The following PRR16 variants were observed in gnomAD, a reference collection of about 807,000 sequenced individuals.
PRR16 encodes the protein protein Largen.
A neutral mutation model predicts 18.2 loss-of-function variants in PRR16; 6 were observed. The ratio of observed to expected loss-of-function variants is 0.33; its 90% CI spans 0.18 to 0.65. The LOEUF is 0.65. Among genes scored for constraint, PRR16 ranks in the 30% least tolerant of loss-of-function variants. PRR16 has a pLI of 0.74. For synonymous variants in PRR16, 151 were observed against 147.8 expected, an observed-to-expected ratio of 1.02 and a Z score of -0.16; for missense variants, 412 against 376.6, an observed-to-expected ratio of 1.09 and a Z score of -0.78.
chr5:120,724,369 CCTCT>C, the PRR16 span, among the ~76,000 whole-genome samples: 1 of 152,024 alleles, frequency 6.6e-6, no homozygotes, highest in African/African-American at 2.4e-5. Flanking sequence ...AGTTGCTTCT[CCTCT>C]CTCTATTTTA....
intron 1 of PRR16, among the ~76,000 whole-genome samples, chr5:120,526,403 C>G (rs1215626876): frequency 6.6e-6 from 1 of 152,084 alleles, no homozygotes; most frequent in African/African-American, 2.4e-5. Context: ...TAATTGCATG[C>G]CATTTCTTTC....
At chr5:120,689,759 G>T (rs558583591), downstream of PRR16, among the ~76,000 whole-genome samples, 10 of 144,426 alleles carry the variant, frequency 6.9e-5, no homozygotes, top group South Asian at 8.8e-4. Context: ...GGGTGTTTTG[G>T]TTTTTTTTTT....
chr5:120,703,164 C>G, the PRR16 span, among the ~76,000 whole-genome samples: 4 of 151,706 alleles, frequency 2.6e-5, no homozygotes, highest in Non-Finnish European at 5.9e-5. Context: ...GAGTGGGGGT[C>G]GCAAGGTGCT....
In PRR16 at chr5:120,686,217, T is replaced by C. The variant is rs746066636; in HGVS notation, c.423T>C (p.Val141=). The C allele has an allele frequency of 3.1e-6, 5 of 1,614,090 alleles. No homozygotes were observed. Among genetic ancestry groups the C allele is most frequent in the Non-Finnish European group, 4.2e-6 (5 of 1,180,026 alleles). The part of the protein sequence containing the change: ...PVKCEDPKRV[V]PTANPVKTNG... ...AGTGTGAAGACCCCAAAAGGGTGGT[T>C]CCAACTGCCAATCCTGTAAAAACCA... Residue 141 remains valine (V), a synonymous_variant, in exon 2 of 2, where the codon GTT becomes GTC. Coordinates refer to ENST00000407149, the MANE Select transcript of PRR16 (RefSeq NM_001300783.2).
At chr5:120,638,201 G>T (rs148616327) in intron 1 of PRR16, among the ~76,000 whole-genome samples, 127 of 152,148 alleles carry the variant, frequency 8.3e-4, no homozygotes, top group African/African-American at 2.9e-3. Flanking sequence ...AGAATTTTCC[G>T]CTTGGGGCAA....
At chr5:120,573,292 A>G (rs924005615) in intron 1 of PRR16, among the ~76,000 whole-genome samples, 22 of 152,154 alleles carry the variant, frequency 1.4e-4, no homozygotes, top group African/African-American at 5.1e-4. Context: ...TTTGAATTCA[A>G]ATTCTTGCTT....
chr5:120,716,198 C>A, the PRR16 span, among the ~76,000 whole-genome samples: 1 of 152,162 alleles, frequency 6.6e-6, no homozygotes, highest in Admixed American at 6.6e-5. Context: ...CTTTGTCAAA[C>A]CCTTTTCCAA....
intron 1 of PRR16, among the ~76,000 whole-genome samples, chr5:120,563,116 T>C (rs553195572): frequency 4.7e-4 from 71 of 152,310 alleles, no homozygotes; most frequent in African/African-American, 1.7e-3. Context: ...CTTTATTTCT[T>C]CTTCATGCTT....
chr5:120,696,845 C>A, the PRR16 span, among the ~76,000 whole-genome samples: 1 of 152,102 alleles, frequency 6.6e-6, no homozygotes, highest in Non-Finnish European at 1.5e-5. Context: ...CTCAATGTAG[C>A]CATTCCACAA....
At chr5:120,476,400 A>G (rs1749444007) in intron 1 of PRR16, among the ~76,000 whole-genome samples, 1 of 151,890 alleles carries the variant, frequency 6.6e-6, no homozygotes, top group Admixed American at 6.6e-5. Context: ...TCATTACCCC[A>G]CTATCTTGGA....
At chr5:120,713,203 A>G in the PRR16 span, among the ~76,000 whole-genome samples, 5 of 152,210 alleles carry the variant, frequency 3.3e-5, no homozygotes, top group African/African-American at 1.2e-4. Flanking sequence ...CTTGGAGGAC[A>G]TAATTCTAAG....
At chr5:120,601,313 C>G (rs77468244) in intron 1 of PRR16, among the ~76,000 whole-genome samples, 8,889 of 152,072 alleles carry the variant, frequency 0.058, 339 homozygotes, top group South Asian at 0.086. Flanking sequence ...ATTTGCATTT[C>G]TCTGATGATC....
intron 1 of PRR16, among the ~76,000 whole-genome samples, chr5:120,659,948 C>T (rs2150137702): frequency 6.6e-6 from 1 of 152,112 alleles, no homozygotes; most frequent in East Asian, 1.9e-4. Flanking sequence ...TATGCATGTC[C>T]TCCAACCCAG....
intron 1 of PRR16, among the ~76,000 whole-genome samples, chr5:120,475,966 C>G (rs1215390564): frequency 3.9e-5 from 6 of 152,054 alleles, no homozygotes; most frequent in African/African-American, 1.4e-4. Flanking sequence ...AGCATAAAAT[C>G]ATTGATAAGT....
chr5:120,528,247 T>A (rs1258118478), intron 1 of PRR16, among the ~76,000 whole-genome samples: 1 of 152,136 alleles, frequency 6.6e-6, no homozygotes, highest in Non-Finnish European at 1.5e-5. Flanking sequence ...AATACTTAGC[T>A]TTTTGAACTA....
At chr5:120,684,520 T>C (rs555396759) in intron 1 of PRR16, among the ~76,000 whole-genome samples, 5 of 152,328 alleles carry the variant, frequency 3.3e-5, no homozygotes, top group African/African-American at 1.2e-4. Flanking sequence ...ATGTGTGAAA[T>C]GAAGGAACTG....
chr5:120,509,917 A>C (rs942824526), intron 1 of PRR16, among the ~76,000 whole-genome samples: 8 of 152,070 alleles, frequency 5.3e-5, no homozygotes, highest in African/African-American at 1.2e-4. Context: ...ACGTGATCCC[A>C]ATTGGACAGG....
the PRR16 span, among the ~76,000 whole-genome samples, chr5:120,714,662 T>A: frequency 6.6e-6 from 1 of 152,136 alleles, no homozygotes. Context: ...GGAATATAAA[T>A]CATTCTACTA....
the PRR16 span, among the ~76,000 whole-genome samples, chr5:120,705,581 G>T: frequency 6.6e-6 from 1 of 151,930 alleles, no homozygotes; most frequent in Admixed American, 6.6e-5. Context: ...TTCCACACTA[G>T]CTTTAACAAA....
Sources: allele counts gnomAD v4.1 joint callset (sites outside exome capture counted in the v4.1 genomes callset), GRCh38; gene constraint gnomAD v4.1.1; transcripts MANE v1.5; gene names NCBI Gene and HGNC (gene_info 2026-07-23, HGNC 2026-07-21).